Variants in STEAP1B observed in about 807,000 individuals in gnomAD.
STEAP1B encodes STEAP family protein MGC87042.
STEAP1B carries 13 observed loss-of-function variants against 27.9 expected under a neutral mutation model. The observed-to-expected ratio is 0.47, with a 90% confidence interval of 0.30 to 0.74. STEAP1B has a LOEUF of 0.74. STEAP1B is among the 30% of genes least tolerant of loss of function. STEAP1B has a pLI of 0.06. For synonymous variants in STEAP1B, 86 were observed against 107.1 expected (o/e 0.80, Z 1.22); for missense variants, 250 against 298.7 (o/e 0.84, Z 1.20).
At chr7:22,425,118 C>T (rs1252753084) in intron 4 of STEAP1B, among the ~76,000 whole-genome samples, 1 of 152,048 alleles carries the variant, frequency 6.6e-6, no homozygotes, top group East Asian at 1.9e-4. Flanking sequence ...GTGGGTATTC[C>T]AGAATAGCTC....
At chr7:22,496,960 C>T (rs1370617697) in intron 1 of STEAP1B, among the ~76,000 whole-genome samples, 1 of 152,212 alleles carries the variant, frequency 6.6e-6, no homozygotes, top group African/African-American at 2.4e-5. Flanking sequence ...TTCAAAATTA[C>T]AGAACATTCA....
intron 4 of STEAP1B, among the ~76,000 whole-genome samples, chr7:22,491,717 C>A (rs1477256842): frequency 2.0e-5 from 3 of 152,070 alleles, no homozygotes; most frequent in African/African-American, 7.2e-5. Flanking sequence ...CCAGAAGAAT[C>A]TGGGTTGAGA....
chr7:22,450,115 T>C (rs1289345244), intron 4 of STEAP1B, among the ~76,000 whole-genome samples: 1 of 152,218 alleles, frequency 6.6e-6, no homozygotes, highest in East Asian at 1.9e-4. Context: ...TCCTTTGCAG[T>C]ACAGAAGCTT....
intron 4 of STEAP1B, among the ~76,000 whole-genome samples, chr7:22,440,930 AT>A (rs1166767889): frequency 2.0e-5 from 3 of 150,764 alleles, no homozygotes; most frequent in Non-Finnish European, 4.4e-5. Context: ...GTGCTTTAAT[AT>A]TCTATTTTAA....
chr7:22,449,414 G>T (rs1180388825), intron 4 of STEAP1B, among the ~76,000 whole-genome samples: 6 of 152,132 alleles, frequency 3.9e-5, no homozygotes, highest in Non-Finnish European at 8.8e-5. Context: ...TTCTGTGACT[G>T]GCTTATTTCA....
chr7:22,426,109 A>G (rs1457595333), intron 4 of STEAP1B, among the ~76,000 whole-genome samples: 1 of 152,238 alleles, frequency 6.6e-6, no homozygotes, highest in Non-Finnish European at 1.5e-5. Flanking sequence ...CCTGGAGGTC[A>G]GAAATCCTAG....
intron 4 of STEAP1B, among the ~76,000 whole-genome samples, chr7:22,469,943 T>TA (rs1053230999): frequency 2.0e-5 from 3 of 152,038 alleles, no homozygotes; most frequent in African/African-American, 4.8e-5. Flanking sequence ...GACTCATGTT[T>TA]AAAAAAAAGA....
chr7:22,499,379 TGGG>T (rs1321760232), intron 1 of STEAP1B, among the ~76,000 whole-genome samples: 2,616 of 151,688 alleles, frequency 0.017, 88 homozygotes, highest in African/African-American at 0.06. Context: ...TCGAGTTTTT[TGGG>T]TTTTTTTTTC....
chr7:22,468,662 A>C (rs1217823296), intron 4 of STEAP1B, among the ~76,000 whole-genome samples: 1 of 152,130 alleles, frequency 6.6e-6, no homozygotes, highest in Non-Finnish European at 1.5e-5. Context: ...TTAGGTTAAA[A>C]ATTTGGAAAT....
intron 4 of STEAP1B, among the ~76,000 whole-genome samples, chr7:22,427,600 G>T (rs2686490): frequency 0.75 from 113,887 of 152,110 alleles, 42,750 homozygotes; most frequent in Middle Eastern, 0.78. Flanking sequence ...ATCTAAAGCC[G>T]TAAAAGGCTC....
chr7:22,448,034 G>C (rs530366181), intron 4 of STEAP1B, among the ~76,000 whole-genome samples: 4 of 152,290 alleles, frequency 2.6e-5, no homozygotes, highest in Admixed American at 6.5e-5. Context: ...GGGATTTCTT[G>C]CTTTCAGTTG....
At chr7:22,446,591 C>A (rs368860073) in intron 4 of STEAP1B, among the ~76,000 whole-genome samples, 4 of 152,342 alleles carry the variant, frequency 2.6e-5, no homozygotes, top group African/African-American at 9.6e-5. Context: ...AATTCCAATG[C>A]GTAGCCAAGA....
intron 4 of STEAP1B, among the ~76,000 whole-genome samples, chr7:22,478,085 TC>T (rs1345288891): frequency 6.6e-6 from 1 of 152,096 alleles, no homozygotes; most frequent in Non-Finnish European, 1.5e-5. Flanking sequence ...GGGTGGGCGC[TC>T]AGGGGAAGTT....
chr7:22,438,872 G>C, intron 4 of STEAP1B: 1 of 1,218,566 alleles, frequency 8.2e-7, no homozygotes, highest in Non-Finnish European at 1.1e-6. Context: ...TATAAAATGG[G>C]ATAAAATCTC....
At position 22,494,207 on chromosome 7, in the gene STEAP1B, T is replaced by C. The variant is rs556216151; in HGVS notation, c.85-371A>G. Among the ~76,000 whole-genome samples the C allele has an allele frequency of 5.3e-4, 79 of 149,278 alleles. No homozygotes were observed. In the East Asian group the frequency reaches 0.012, roughly 22 times the overall value. On this transcript the variant is annotated intron_variant, in intron 2 of 4. Coordinates refer to ENST00000678116, the MANE Select transcript of STEAP1B (RefSeq NM_001382447.1). ...AACTTCCATTGAGATAATTTGGAAG[T>C]TTGGAACCAAAATTTCTGCCACTTT...
intron 4 of STEAP1B, among the ~76,000 whole-genome samples, chr7:22,429,664 G>C (rs1259080650): frequency 6.6e-6 from 1 of 152,146 alleles, no homozygotes; most frequent in African/African-American, 2.4e-5. Flanking sequence ...ACACTGCTCA[G>C]AACAGTGCAC....
rs4490734 is a variant in STEAP1B, at chr7:22,491,018, T to C, written c.762+1547A>G. Among the ~76,000 whole-genome samples, 722 of 152,358 alleles carry C rather than the reference T, an allele frequency of 4.7e-3. 5 individuals carry two copies. The highest frequency in any genetic ancestry group is 0.017 in the African/African-American group (688 of 41,586). On this transcript the variant is annotated intron_variant, in intron 4 of 4. Coordinates refer to ENST00000678116, the MANE Select transcript of STEAP1B (RefSeq NM_001382447.1). Reference sequence around the variant, plus strand: ...AGATAGCTATCTTGAAGTAGGAGTATATAACTGTTGGTTAAAATAATCTAG... The same window carrying C: ...AGATAGCTATCTTGAAGTAGGAGTACATAACTGTTGGTTAAAATAATCTAG...
chr7:22,468,313 G>GTTTT (rs1785821226), intron 4 of STEAP1B, among the ~76,000 whole-genome samples: 1 of 151,956 alleles, frequency 6.6e-6, no homozygotes, highest in Non-Finnish European at 1.5e-5. Context: ...AATAAGGGAG[G>GTTTT]TACTATTATT....
chr7:22,452,613 G>A (rs1785509333), intron 4 of STEAP1B, among the ~76,000 whole-genome samples: 1 of 152,098 alleles, frequency 6.6e-6, no homozygotes, highest in Non-Finnish European at 1.5e-5. Context: ...ACAGAGAAAG[G>A]ATAAATGACT....
Sources: gnomAD v4.1 joint callset for allele counts (sites outside exome capture counted in the v4.1 genomes callset) on GRCh38, gnomAD v4.1.1 for gene constraint, MANE v1.5 for transcripts, NCBI Gene and HGNC (gene_info 2026-07-23, HGNC 2026-07-21) for gene names.